Variants in KCNN2 observed in about 807,000 individuals in gnomAD.
The protein encoded by KCNN2 is small conductance calcium-activated potassium channel protein 2.
KCNN2 carries 24 observed loss-of-function variants against 55.5 expected under a neutral mutation model. That is an observed-to-expected ratio of 0.43 (90% CI 0.31 to 0.61). KCNN2 has a LOEUF of 0.61. Among genes scored for constraint, KCNN2 ranks in the 20% least tolerant of loss-of-function variants. The pLI is 0.08. For synonymous variants in KCNN2, 431 were observed against 336.1 expected (o/e 1.28, Z -3.09); for missense variants, 754 against 853.6 (o/e 0.88, Z 1.45).
At chr5:114,076,614 T>A (rs1750689982) in intron 1 of KCNN2, among the ~76,000 whole-genome samples, 1 of 152,266 alleles carries the variant, frequency 6.6e-6, no homozygotes. Flanking sequence ...CCATTTCATT[T>A]AAATCAGTTT....
At chr5:114,305,121 G>C (rs1756242094) in intron 2 of KCNN2, among the ~76,000 whole-genome samples, 1 of 152,184 alleles carries the variant, frequency 6.6e-6, no homozygotes. Context: ...CAGAACTCTA[G>C]AGGATAGCCT....
At chr5:114,473,233 T>A (rs1418917067) in intron 5 of KCNN2, 69 bp downstream of exon 5, 1 of 1,045,440 alleles carries the variant, frequency 9.6e-7, no homozygotes, top group South Asian at 1.4e-5. Flanking sequence ...GAAATATGGT[T>A]TTTATTTTGA....
chr5:114,090,031 A>G (rs1330149067), intron 1 of KCNN2, among the ~76,000 whole-genome samples: 2 of 152,220 alleles, frequency 1.3e-5, no homozygotes, highest in Admixed American at 1.3e-4. Context: ...AAAAGCTGGC[A>G]AGCTTGAATC....
intron 2 of KCNN2, among the ~76,000 whole-genome samples, chr5:114,264,773 C>T (rs1184006629): frequency 6.6e-6 from 1 of 152,160 alleles, no homozygotes; most frequent in Non-Finnish European, 1.5e-5. Context: ...ACGAATGCCC[C>T]CCCAGGGCAG....
chr5:114,095,432 G>A (rs1298079464), intron 1 of KCNN2, among the ~76,000 whole-genome samples: 1 of 152,138 alleles, frequency 6.6e-6, no homozygotes, highest in East Asian at 1.9e-4. Flanking sequence ...AGCCTCAGGA[G>A]AAGAAGGTAA....
chr5:114,455,307 A>G (rs1427039882), intron 3 of KCNN2, among the ~76,000 whole-genome samples: 2 of 152,088 alleles, frequency 1.3e-5, no homozygotes, highest in African/African-American at 2.4e-5. Context: ...CTTTTTCATT[A>G]TTGTACCTCT....
At chr5:114,318,967 T>TA (rs1756558675) in intron 2 of KCNN2, among the ~76,000 whole-genome samples, 1 of 146,276 alleles carries the variant, frequency 6.8e-6, no homozygotes, top group Non-Finnish European at 1.5e-5. Flanking sequence ...GGCTCAAAGA[T>TA]ACTGAGTGAG....
At chr5:114,339,963 C>G (rs898649315) in intron 2 of KCNN2, among the ~76,000 whole-genome samples, 1 of 152,156 alleles carries the variant, frequency 6.6e-6, no homozygotes, top group Admixed American at 6.6e-5. Context: ...AAGTTAATTT[C>G]TCACTCATCC....
intron 2 of KCNN2, among the ~76,000 whole-genome samples, chr5:114,302,631 T>C (rs1050493392): frequency 1.3e-5 from 2 of 152,118 alleles, no homozygotes; most frequent in African/African-American, 4.8e-5. Flanking sequence ...GAAATAAAAA[T>C]TAAAGGAGAT....
At chr5:114,305,184 G>C (rs573802091) in intron 2 of KCNN2, among the ~76,000 whole-genome samples, 1 of 152,310 alleles carries the variant, frequency 6.6e-6, no homozygotes, top group Admixed American at 6.5e-5. Context: ...GTAGGGGCAG[G>C]GGGTAGTCTC....
chr5:114,276,074 A>C (rs1182447430), intron 2 of KCNN2, among the ~76,000 whole-genome samples: 6 of 152,028 alleles, frequency 3.9e-5, no homozygotes, highest in Non-Finnish European at 5.9e-5. Flanking sequence ...TTCTGCCTTC[A>C]TTTCGTTATG....
At chr5:114,241,324 G>T (rs1754614263) in intron 2 of KCNN2, among the ~76,000 whole-genome samples, 1 of 151,826 alleles carries the variant, frequency 6.6e-6, no homozygotes, top group Non-Finnish European at 1.5e-5. Context: ...AATATAGTAG[G>T]ATAAATTTTG....
chr5:114,273,014 A>G (rs1172489330), intron 2 of KCNN2, among the ~76,000 whole-genome samples: 2 of 152,036 alleles, frequency 1.3e-5, no homozygotes, highest in East Asian at 3.9e-4. Context: ...TCTCCTCATG[A>G]TATCTCTCCC....
intron 1 of KCNN2, among the ~76,000 whole-genome samples, chr5:114,184,389 C>A (rs564501279): frequency 2.0e-5 from 3 of 152,124 alleles, no homozygotes; most frequent in East Asian, 3.9e-4. Context: ...TGACTTAAAT[C>A]AAAATATCAT....
intron 1 of KCNN2, among the ~76,000 whole-genome samples, chr5:114,195,107 T>C (rs1405388339): frequency 1.3e-5 from 2 of 151,728 alleles, no homozygotes; most frequent in Non-Finnish European, 2.9e-5. Context: ...GTAGTAAATT[T>C]TGAAATAAAA....
intron 1 of KCNN2, 32 bp from the exon 2 acceptor site, chr5:114,363,874 C>G: frequency 1.3e-6 from 2 of 1,568,090 alleles, no homozygotes; most frequent in South Asian, 2.2e-5. Context: ...GTGCTTCTTT[C>G]TTAAAAGTGC....
intron 1 of KCNN2, among the ~76,000 whole-genome samples, chr5:114,194,217 G>T (rs1482599845): frequency 6.6e-6 from 1 of 152,088 alleles, no homozygotes; most frequent in African/African-American, 2.4e-5. Flanking sequence ...TTGATATCTA[G>T]TGGTGAAATG....
At chr5:114,456,595 A>T (rs1760938748) in intron 3 of KCNN2, among the ~76,000 whole-genome samples, 1 of 152,196 alleles carries the variant, frequency 6.6e-6, no homozygotes, top group East Asian at 1.9e-4. Flanking sequence ...GTAAGGCTAT[A>T]GCTGATGGAG....
chr5:114,192,621 C>T (rs1325089841), intron 1 of KCNN2, among the ~76,000 whole-genome samples: 4 of 152,020 alleles, frequency 2.6e-5, no homozygotes, highest in Non-Finnish European at 5.9e-5. Flanking sequence ...CTTCGGGAGT[C>T]CCTGAAAGGA....
Sources: gnomAD v4.1 joint callset for allele counts (sites outside exome capture counted in the v4.1 genomes callset) on GRCh38, gnomAD v4.1.1 for gene constraint, MANE v1.5 for transcripts, NCBI Gene and HGNC (gene_info 2026-07-23, HGNC 2026-07-21) for gene names.